The following GRHL3 variants were observed in gnomAD, a reference collection of about 807,000 sequenced individuals.
GRHL3 encodes grainyhead-like protein 3 homolog.
GRHL3 carries 20 observed loss-of-function variants against 70.3 expected under a neutral mutation model. The observed-to-expected ratio is 0.28, with a 90% CI of 0.20 to 0.41. GRHL3 has a LOEUF of 0.41. Among genes scored for constraint, GRHL3 ranks in the 10% least tolerant of loss-of-function variants. The pLI is 1.00. For missense variants in GRHL3, 637 were observed against 762.3 expected, an observed-to-expected ratio of 0.84 and a Z score of 1.94; for synonymous variants, 299 against 299.9, an observed-to-expected ratio of 1.00 and a Z score of 0.03.
chr1:24,323,551 A>G (rs1270515409), intron 1 of GRHL3, among the ~76,000 whole-genome samples: 1 of 152,162 alleles, frequency 6.6e-6, no homozygotes, highest in African/African-American at 2.4e-5. Context: ...TCTGCCACCT[A>G]TAGATTGGGT....
chr1:24,336,989 A>C (rs1639843494), intron 4 of GRHL3, 89 bp from the exon 5 acceptor site: 1 of 1,341,730 alleles, frequency 7.5e-7, no homozygotes, highest in Non-Finnish European at 1.1e-6. Flanking sequence ...ACACTGTACA[A>C]CCTGCATAGC....
intron 1 of GRHL3, among the ~76,000 whole-genome samples, chr1:24,325,645 G>A (rs773288888): frequency 2.6e-5 from 4 of 152,194 alleles, no homozygotes; most frequent in Non-Finnish European, 5.9e-5. Flanking sequence ...GCATGTTGGA[G>A]CCATGAAGGC....
At chr1:24,343,862 A>G (rs1640142627) in intron 11 of GRHL3, among the ~76,000 whole-genome samples, 1 of 152,234 alleles carries the variant, frequency 6.6e-6, no homozygotes, top group Non-Finnish European at 1.5e-5. Context: ...ACTTAGGACA[A>G]TGAGGTGTAG....
At chr1:24,349,465 C>G (rs1053280654) in intron 14 of GRHL3, among the ~76,000 whole-genome samples, 2 of 152,180 alleles carry the variant, frequency 1.3e-5, no homozygotes, top group African/African-American at 4.8e-5. Context: ...TGCTCTGCTT[C>G]TGAAAAAAAC....
intron 15 of GRHL3, among the ~76,000 whole-genome samples, chr1:24,354,063 C>A (rs532155139): frequency 6.6e-6 from 1 of 152,322 alleles, no homozygotes; most frequent in South Asian, 2.1e-4. Context: ...TCCCCCAGAT[C>A]TACATACTAG....
chr1:24,346,475 C>T (rs1640288471), intron 12 of GRHL3, 78 bp from the exon 13 acceptor site: 2 of 916,880 alleles, frequency 2.2e-6, no homozygotes, highest in South Asian at 1.4e-5. Flanking sequence ...TTCTAGGGCC[C>T]CTGGAGGCCC....
intron 1 of GRHL3, among the ~76,000 whole-genome samples, chr1:24,327,816 T>C (rs1032458913): frequency 6.6e-6 from 1 of 152,224 alleles, no homozygotes; most frequent in Non-Finnish European, 1.5e-5. Flanking sequence ...ACTTATTTTT[T>C]TCCCCCTCTC....
At chr1:24,354,343 T>G (rs1045214637) in intron 15 of GRHL3, 31 bp from the exon 16 acceptor site, 2 of 1,511,394 alleles carry the variant, frequency 1.3e-6, no homozygotes, top group Non-Finnish European at 1.8e-6. Flanking sequence ...GCGCCTGCTG[T>G]GTTCCAACCA....
downstream of GRHL3, chr1:24,358,419 G>GT (rs1268629489): frequency 1.2e-6 from 1 of 839,060 alleles, no homozygotes; most frequent in East Asian, 2.4e-5. Flanking sequence ...GGCCAGAGTG[G>GT]TAGAGCCACC....
chr1:24,334,723 C>A lies in GRHL3; in HGVS notation c.266+17C>A, dbSNP rs577208507. On this transcript the variant is annotated intron_variant, in intron 3 of 15. Transcript: ENST00000361548. The surrounding 1 kb of genome is among the most constrained non-coding windows in gnomAD (Gnocchi z 4.3). Reference sequence around the variant, plus strand: ...AGGAAAGAGGTGAGGCTTGCCAACACCCTCTGCCTCTTTGCCCTTCCCCAC... The same window carrying A: ...AGGAAAGAGGTGAGGCTTGCCAACAACCTCTGCCTCTTTGCCCTTCCCCAC... 12 of 1,603,064 alleles carry A rather than the reference C, an allele frequency of 7.5e-6. No homozygotes were observed. Among genetic ancestry groups the A allele is most frequent in the African/African-American group, 6.7e-5 (5 of 74,734 alleles).
At chr1:24,362,787 C>T (rs1262229642) in intron 15 of GRHL3, among the ~76,000 whole-genome samples, 1 of 152,168 alleles carries the variant, frequency 6.6e-6, no homozygotes, top group East Asian at 1.9e-4. Flanking sequence ...TGCTTGGGCT[C>T]ACATCTTGTG....
intron 1 of GRHL3, among the ~76,000 whole-genome samples, chr1:24,329,722 G>A (rs1639531363): frequency 6.6e-6 from 1 of 152,200 alleles, no homozygotes; most frequent in South Asian, 2.1e-4. Context: ...ATTGTTCTTA[G>A]GTCCCTAACA....
rs72878840 is a variant in GRHL3 at position 24,352,899 on chromosome 1, C to A, written c.1695-1475C>A. ...TGACAGCCCAAGCCTGGACCTTCTT[C>A]CTGAGAGCGGCAGGGAGAGACAACT... On this transcript the variant is annotated intron_variant, in intron 15 of 15. Coordinates refer to ENST00000361548, the MANE Select transcript of GRHL3 (RefSeq NM_198173.3). Among the ~76,000 whole-genome samples, 452 of 152,292 alleles carry A rather than the reference C, an allele frequency of 3.0e-3. 1 individual carries two copies. Among genetic ancestry groups the A allele is most frequent in the African/African-American group, 0.01 (426 of 41,562 alleles).
In GRHL3 at chr1:24,354,529, C is replaced by A; in HGVS notation, c.*41C>A. The A allele has an allele frequency of 7.6e-7, 1 of 1,318,142 alleles. No homozygotes were observed. The highest frequency in any genetic ancestry group is 1.1e-6 in the Non-Finnish European group (1 of 910,922). The allele number at this position is 1,318,142 out of a possible 1,614,324, so 81.7% of individuals were successfully genotyped here. ...CAAACCCTCACGACCTGCAAGGGGCCAGCAGGGACGTGGCCCCACGCCACA... is the reference window on the plus strand; with the variant it reads ...CAAACCCTCACGACCTGCAAGGGGCAAGCAGGGACGTGGCCCCACGCCACA... On this transcript the variant is annotated 3_prime_UTR_variant, in exon 16 of 16. Transcript: ENST00000361548.
At chr1:24,345,147 T>C (rs62636903) in intron 12 of GRHL3, among the ~76,000 whole-genome samples, 58 of 3,152 alleles carry the variant, frequency 0.018, no homozygotes, top group African/African-American at 0.023. Context: ...GTGCCCCCTC[T>C]ACACCTGTGC....
At position 24,322,118 on chromosome 1, in the gene GRHL3, G is replaced by A. The variant is rs893064928; in HGVS notation, c.17+2550G>A. 5.9e-5 allele frequency among the ~76,000 whole-genome samples: 9 copies of A among 152,104 alleles called. No individual in the cohort carries two copies. Among genetic ancestry groups the A allele is most frequent in the African/African-American group, 1.9e-4 (8 of 41,432 alleles). The stretch of plus-strand genomic sequence containing the variant: ...GAGGGCCGGCCGGCGCTCCAGGCAG[G>A]CCCCGTTGACAGCCCAGGAAGGGAG... On this transcript the variant is annotated intron_variant, in intron 1 of 15. Transcript: ENST00000361548. This position sits in a 1 kb window ranked among gnomAD's most constrained non-coding sequence, Gnocchi z 4.4.
In GRHL3 at chr1:24,337,109, C is replaced by T. The variant is rs1474236293; in HGVS notation, c.644C>T (p.Ser215Phe). The change falls in exon 5 of 16, where the codon TCC becomes TTC. Residue 215 changes from serine (S) to phenylalanine (F), a missense_variant. Ser to Phe is a radical substitution (Grantham distance 155). Coordinates refer to ENST00000361548, the MANE Select transcript of GRHL3 (RefSeq NM_198173.3). The part of the protein sequence containing the change: ...SMLFPDILKT[S>F]PEPPCPEDYP... Reference sequence around the variant, plus strand: ...CTCTTCCCAGATATCCTGAAAACCTCCCCGGAACCCCCATGTCCAGAGGAC... The same window carrying T: ...CTCTTCCCAGATATCCTGAAAACCTTCCCGGAACCCCCATGTCCAGAGGAC... 6.2e-7 allele frequency: 1 copy of T among 1,614,074 alleles called. No homozygotes were observed. The highest frequency in any genetic ancestry group is 8.5e-7 in the Non-Finnish European group (1 of 1,179,946).
At position 24,336,702 on chromosome 1, in the gene GRHL3, T is replaced by C. The variant is rs1186587606; in HGVS notation, c.487T>C (p.Tyr163His). The C allele has an allele frequency of 6.2e-7, 1 of 1,614,190 alleles. No homozygotes were observed. The highest frequency in any genetic ancestry group is 1.3e-5 in the African/African-American group (1 of 75,074). Residue 163 changes from tyrosine to histidine, a missense_variant, in exon 4 of 16, where the codon TAC (tyrosine) becomes CAC (histidine). Around this residue, in one of 2 missense-constraint regions of GRHL3, gnomAD observed 250 missense variants for 248.6 expected, o/e 1.01. Transcript: ENST00000361548. ...SKLEAGSVDS[Y>H]LLPTTDMYDN... Reference sequence around the variant, plus strand: ...GCTGGAGGCCGGCTCTGTGGACAGCTACCTGTTACCCACCACTGATATGTA... The same window carrying C: ...GCTGGAGGCCGGCTCTGTGGACAGCCACCTGTTACCCACCACTGATATGTA...
chr1:24,328,426 G>A (rs936411224), intron 1 of GRHL3, among the ~76,000 whole-genome samples: 6 of 152,246 alleles, frequency 3.9e-5, no homozygotes, highest in African/African-American at 7.2e-5. Context: ...AGAAGCTGCT[G>A]TTTATCAAGG....
Sources: allele counts gnomAD v4.1 joint callset (sites outside exome capture counted in the v4.1 genomes callset), GRCh38; gene constraint gnomAD v4.1.1; regional missense constraint gnomAD v4.1.1; non-coding constraint Gnocchi (gnomAD v3.1); transcripts MANE v1.5; gene names NCBI Gene and HGNC (gene_info 2026-07-23, HGNC 2026-07-21).